PKIB: variants seen among roughly 807,000 people sequenced by gnomAD.
PKIB encodes PKI-beta.
A neutral mutation model predicts 4.5 loss-of-function variants in PKIB; 2 were observed. The ratio of observed to expected loss-of-function variants is 0.44; its 90% CI spans 0.18 to 1.39. PKIB has a LOEUF of 1.39. Among genes scored for constraint, PKIB ranks in the 40% most tolerant of loss-of-function variants. PKIB has a pLI of 0.27. For synonymous variants in PKIB, 38 were observed against 36.0 expected, an observed-to-expected ratio of 1.06 and a Z score of -0.20; for missense variants, 94 against 92.6, an observed-to-expected ratio of 1.02 and a Z score of -0.06.
intron 2 of PKIB, among the ~76,000 whole-genome samples, chr6:122,564,358 T>C (rs749314786): frequency 2.8e-4 from 43 of 152,166 alleles, no homozygotes; most frequent in Non-Finnish European, 5.1e-4. Context: ...CCATCTGTCA[T>C]GATGATCCTA....
intron 1 of PKIB, among the ~76,000 whole-genome samples, chr6:122,612,765 G>A (rs1267574564): frequency 6.6e-6 from 1 of 152,096 alleles, no homozygotes; most frequent in Non-Finnish European, 1.5e-5. Context: ...TTGCATTCAA[G>A]TGTTTGTGAG....
chr6:122,574,996 C>T (rs1362639771), intron 2 of PKIB, among the ~76,000 whole-genome samples: 1 of 152,122 alleles, frequency 6.6e-6, no homozygotes, highest in Non-Finnish European at 1.5e-5. Flanking sequence ...GCAAACTATG[C>T]ATCTGACAAA....
At chr6:122,599,353 C>T (rs543660138) in intron 3 of PKIB, among the ~76,000 whole-genome samples, 2 of 152,306 alleles carry the variant, frequency 1.3e-5, no homozygotes, top group East Asian at 3.9e-4. Flanking sequence ...ATCCCCATTC[C>T]AAGTTGCAGG....
intron 2 of PKIB, among the ~76,000 whole-genome samples, chr6:122,521,277 T>G (rs947655595): frequency 8.5e-5 from 13 of 152,182 alleles, no homozygotes; most frequent in Admixed American, 2.6e-4. Context: ...GAGCTTCTTC[T>G]TGGTCCAACC....
At chr6:122,532,484 C>T (rs1208996894) in intron 2 of PKIB, among the ~76,000 whole-genome samples, 2 of 152,104 alleles carry the variant, frequency 1.3e-5, no homozygotes, top group Non-Finnish European at 2.9e-5. Flanking sequence ...TATCCATCTC[C>T]AGAATGAAAT....
At chr6:122,558,222 C>T (rs1318096119) in intron 2 of PKIB, among the ~76,000 whole-genome samples, 2 of 152,148 alleles carry the variant, frequency 1.3e-5, no homozygotes, top group African/African-American at 4.8e-5. Flanking sequence ...CTTCTCAGCT[C>T]TGATTTCTTG....
chr6:122,577,444 C>T (rs972291252), intron 2 of PKIB, among the ~76,000 whole-genome samples: 4 of 151,936 alleles, frequency 2.6e-5, no homozygotes, highest in African/African-American at 9.7e-5. Context: ...ATTTGATGAA[C>T]ATTTGTGATA....
At chr6:122,704,674 T>C (rs1428295325) in intron 3 of PKIB, among the ~76,000 whole-genome samples, 1 of 152,090 alleles carries the variant, frequency 6.6e-6, no homozygotes, top group Non-Finnish European at 1.5e-5. Flanking sequence ...CTAAGGTATT[T>C]AGATATGCAG....
intron 2 of PKIB, among the ~76,000 whole-genome samples, chr6:122,548,975 G>T (rs1772586155): frequency 6.6e-6 from 1 of 152,114 alleles, no homozygotes; most frequent in Non-Finnish European, 1.5e-5. Flanking sequence ...AGCACTGTGG[G>T]GTTCTGATAA....
At chr6:122,484,952 T>TAA (rs1288075674) in intron 2 of PKIB, among the ~76,000 whole-genome samples, 1 of 152,204 alleles carries the variant, frequency 6.6e-6, no homozygotes, top group Non-Finnish European at 1.5e-5. Flanking sequence ...CAACCACTCT[T>TAA]ACACTGCCTC....
At chr6:122,579,968 A>C (rs1269418139) in intron 2 of PKIB, among the ~76,000 whole-genome samples, 1 of 152,202 alleles carries the variant, frequency 6.6e-6, no homozygotes, top group Admixed American at 6.5e-5. Context: ...TTGTTCTAAG[A>C]TTATTAAAAA....
At chr6:122,601,868 A>C (rs2114741794) in intron 3 of PKIB, among the ~76,000 whole-genome samples, 1 of 152,250 alleles carries the variant, frequency 6.6e-6, no homozygotes, top group Admixed American at 6.5e-5. Flanking sequence ...GTCAAAAGTT[A>C]TATGAGGATT....
rs1562286986 is a variant in PKIB at position 122,654,161 on chromosome 6, T to C, written c.-76+20794T>C. ...GTCTTTCTTAAGCCCTATCTTTATGTTCTGCTCTGTCAATAAGATGAAGTG... is the reference window on the plus strand; with the variant it reads ...GTCTTTCTTAAGCCCTATCTTTATGCTCTGCTCTGTCAATAAGATGAAGTG... On this transcript the variant is annotated intron_variant, in intron 2 of 4. Transcript: ENST00000368452. 2.0e-5 allele frequency among the ~76,000 whole-genome samples: 3 copies of C among 152,216 alleles called. No individual in the cohort carries two copies. The South Asian group carries it at 6.2e-4, about 31-fold the overall frequency.
chr6:122,720,480 A>G (rs1779695389), intron 4 of PKIB, among the ~76,000 whole-genome samples: 1 of 152,070 alleles, frequency 6.6e-6, no homozygotes, highest in African/African-American at 2.4e-5. Flanking sequence ...GAGGAAGAGA[A>G]TTGGAGGATA....
intron 2 of PKIB, among the ~76,000 whole-genome samples, chr6:122,580,935 TATC>T (rs1197016738): frequency 1.3e-5 from 2 of 152,146 alleles, no homozygotes; most frequent in African/African-American, 4.8e-5. Flanking sequence ...AAACAGTCAT[TATC>T]ATCAATTCTT....
intron 2 of PKIB, among the ~76,000 whole-genome samples, chr6:122,524,219 C>CCCTCCTCCT (rs1342032388): frequency 6.8e-6 from 1 of 146,012 alleles, no homozygotes; most frequent in African/African-American, 2.5e-5. Context: ...CTCCTCCTCC[C>CCCTCCTCCT]CCTCCTCCTC....
intron 2 of PKIB, among the ~76,000 whole-genome samples, chr6:122,661,162 A>G (rs972991613): frequency 4.6e-5 from 7 of 152,200 alleles, no homozygotes; most frequent in African/African-American, 1.7e-4. Flanking sequence ...ATTCACACCC[A>G]GCACTAACAT....
chr6:122,615,017 G>A (rs899012124), intron 1 of PKIB, among the ~76,000 whole-genome samples: 3 of 151,910 alleles, frequency 2.0e-5, no homozygotes, highest in Non-Finnish European at 4.4e-5. Flanking sequence ...CAGATTATAG[G>A]TATGGTGGAT....
At chr6:122,541,422 T>C (rs1777596564) in intron 2 of PKIB, among the ~76,000 whole-genome samples, 1 of 151,900 alleles carries the variant, frequency 6.6e-6, no homozygotes, top group Non-Finnish European at 1.5e-5. Context: ...TAAAGTATTT[T>C]ATTTCTCCTT....
Sources: allele counts gnomAD v4.1 joint callset (sites outside exome capture counted in the v4.1 genomes callset), GRCh38; gene constraint gnomAD v4.1.1; transcripts MANE v1.5; gene names NCBI Gene and HGNC (gene_info 2026-07-23, HGNC 2026-07-21).